Variants in AKAP7 observed in about 807,000 individuals in gnomAD.
AKAP7 encodes A-kinase anchoring protein 7.
Under a neutral mutation model 39.5 loss-of-function variants are expected in AKAP7, and 39 were observed. The observed-to-expected ratio is 0.99, with a 90% CI of 0.76 to 1.29. The LOEUF is 1.29. Ranked by LOEUF, AKAP7 falls within the 50% of genes most tolerant of loss-of-function variation. The probability of loss-of-function intolerance (pLI) is 0.00; values close to 1 mark genes in which losing one functional copy is unlikely to be tolerated. For synonymous variants in AKAP7, 140 were observed against 139.1 expected, an observed-to-expected ratio of 1.01 and a Z score of -0.05; for missense variants, 414 against 407.7, an observed-to-expected ratio of 1.02 and a Z score of -0.13.
At chr6:131,163,387 T>C (rs1803178014) in intron 3 of AKAP7, among the ~76,000 whole-genome samples, 1 of 152,242 alleles carries the variant, frequency 6.6e-6, no homozygotes, top group Admixed American at 6.5e-5. Flanking sequence ...TTTAAACTAC[T>C]TATGAGCTTT....
At chr6:131,132,730 A>G (rs1800354675), upstream of AKAP7, among the ~76,000 whole-genome samples, 1 of 152,340 alleles carries the variant, frequency 6.6e-6, no homozygotes, top group South Asian at 2.1e-4. Context: ...TGGAAATCTG[A>G]AAATTATATT....
At chr6:131,162,139 C>T (rs1803032926) in intron 3 of AKAP7, among the ~76,000 whole-genome samples, 1 of 152,180 alleles carries the variant, frequency 6.6e-6, no homozygotes. Flanking sequence ...CTTCTTACCC[C>T]TTCCGGAGAA....
chr6:131,188,766 T>A (rs1469610402), intron 5 of AKAP7, among the ~76,000 whole-genome samples: 1 of 151,438 alleles, frequency 6.6e-6, no homozygotes, highest in Non-Finnish European at 1.5e-5. Flanking sequence ...TTGCCCAGGC[T>A]GGTCTCAAAT....
At chr6:131,132,020 T>C (rs1205755065), upstream of AKAP7, among the ~76,000 whole-genome samples, 2 of 152,136 alleles carry the variant, frequency 1.3e-5, no homozygotes, top group Non-Finnish European at 2.9e-5. Flanking sequence ...ATCAATTAAA[T>C]AGATAAATTC....
intron 6 of AKAP7, among the ~76,000 whole-genome samples, chr6:131,219,189 C>T (rs977312670): frequency 6.6e-6 from 1 of 150,718 alleles, no homozygotes; most frequent in African/African-American, 2.4e-5. Context: ...ACTCAGGAGC[C>T]TGAGGGAGGA....
At chr6:131,138,296 T>C (rs1184282161) in intron 1 of AKAP7, among the ~76,000 whole-genome samples, 5 of 152,242 alleles carry the variant, frequency 3.3e-5, no homozygotes, top group Non-Finnish European at 7.3e-5. Flanking sequence ...GACAGGATCT[T>C]ATTCTTTTGT....
rs1266110610 is a variant in AKAP7, at chr6:131,282,176, C to T, written c.*450C>T. On this transcript the variant is annotated 3_prime_UTR_variant, in exon 8 of 8. Coordinates refer to ENST00000431975, the MANE Select transcript of AKAP7 (RefSeq NM_016377.4). ...ATCACTGTTGGAATTGTCATCTGTA[C>T]AATTAGTCCATAATGTTTCATGTTT... 4 of 1,254,404 alleles carry T rather than the reference C, an allele frequency of 3.2e-6. No homozygotes were observed. In the Admixed American group the frequency reaches 1.1e-4, roughly 36 times the overall value. 77.7% of individuals were successfully genotyped at this position (1,254,404 alleles called of 1,614,324 possible). A position where few individuals can be genotyped will look rare whatever the true frequency, so the allele number is the denominator to read the frequency against.
chr6:131,217,097 G>C (rs1470762093), intron 6 of AKAP7, among the ~76,000 whole-genome samples: 2 of 152,096 alleles, frequency 1.3e-5, no homozygotes, highest in Admixed American at 6.6e-5. Flanking sequence ...CTATGATGAA[G>C]GGAAGCAGAG....
Position 131,281,828 on chromosome 6 carries a change from T to C in AKAP7, c.*102T>C, listed in dbSNP as rs17574609. 0.012 allele frequency: 15,578 copies of C among 1,347,950 alleles called. 198 individuals are homozygous for C. The highest frequency in any genetic ancestry group is 0.062 in the African/African-American group (4,160 of 66,698). 83.5% of individuals were successfully genotyped at this position (1,347,950 alleles called of 1,614,324 possible). A position where few individuals can be genotyped will look rare whatever the true frequency, so the allele number is the denominator to read the frequency against. ...GCGTGCTGTTTAAGTTAAGTTTCTC[T>C]GGTGCAATCTGTGAAGATTGCCTAA... On this transcript the variant is annotated 3_prime_UTR_variant, in exon 8 of 8. Transcript: ENST00000431975. The surrounding 1 kb of genome is among the most constrained non-coding windows in gnomAD (Gnocchi z 4.0).
chr6:131,238,881 T>C (rs1413211433), intron 7 of AKAP7, among the ~76,000 whole-genome samples: 1 of 152,236 alleles, frequency 6.6e-6, no homozygotes, highest in Non-Finnish European at 1.5e-5. Flanking sequence ...TCCGTGTCTT[T>C]TAATTGGAGC....
At chr6:131,206,787 A>ATCTG (rs371458228) in intron 6 of AKAP7, among the ~76,000 whole-genome samples, 1,239 of 107,628 alleles carry the variant, frequency 0.012, 5 homozygotes, top group Middle Eastern at 0.03. Flanking sequence ...CCATCCATCC[A>ATCTG]TCTATCTATC....
At chr6:131,208,749 CT>C (rs1240641637) in intron 6 of AKAP7, among the ~76,000 whole-genome samples, 6 of 152,080 alleles carry the variant, frequency 3.9e-5, no homozygotes, top group African/African-American at 1.2e-4. Flanking sequence ...AACAGAGATT[CT>C]TTTTTTCCCC....
At chr6:131,242,598 C>T (rs1051454108) in intron 7 of AKAP7, among the ~76,000 whole-genome samples, 2 of 151,826 alleles carry the variant, frequency 1.3e-5, no homozygotes, top group African/African-American at 4.8e-5. Context: ...AAGGTAAACA[C>T]AGAACACTAG....
intron 7 of AKAP7, among the ~76,000 whole-genome samples, chr6:131,226,319 C>T (rs915119445): frequency 6.6e-5 from 10 of 152,130 alleles, no homozygotes; most frequent in African/African-American, 9.7e-5. Context: ...AGACTTTGGT[C>T]GGATATGGTG....
chr6:131,264,402 C>G (rs1813608959), intron 7 of AKAP7, among the ~76,000 whole-genome samples: 1 of 152,266 alleles, frequency 6.6e-6, no homozygotes, highest in Non-Finnish European at 1.5e-5. Context: ...TTCTCTTTAC[C>G]TATCATGGAA....
chr6:131,181,697 A>G (rs1323676335), intron 5 of AKAP7, among the ~76,000 whole-genome samples: 3 of 152,042 alleles, frequency 2.0e-5, no homozygotes, highest in Non-Finnish European at 4.4e-5. Flanking sequence ...ATTGTTTAAG[A>G]TATGCTGAAC....
At position 131,242,187 on chromosome 6, in the gene AKAP7, G is replaced by A. The variant is rs902678925; in HGVS notation, c.850+22379G>A. Reference sequence around the variant, plus strand: ...CTATTACTAGAGTAATGATTCAGGTGAGTATTTTATCTTGATTCTGGCTAT... The same window carrying A: ...CTATTACTAGAGTAATGATTCAGGTAAGTATTTTATCTTGATTCTGGCTAT... On this transcript the variant is annotated intron_variant, in intron 7 of 7. Transcript: ENST00000431975. 7 of 984,464 alleles carry A rather than the reference G, an allele frequency of 7.1e-6. No individual in the cohort carries two copies. In the Admixed American group the frequency reaches 2.5e-4, roughly 35 times the overall value. The allele number at this position is 984,464 out of a possible 1,614,324, so 61.0% of individuals were successfully genotyped here.
At chr6:131,192,930 C>T (rs539342837) in intron 5 of AKAP7, among the ~76,000 whole-genome samples, 18 of 152,120 alleles carry the variant, frequency 1.2e-4, no homozygotes, top group Admixed American at 5.9e-4. Flanking sequence ...ATGTTGATTT[C>T]GTATTCTGCA....
chr6:131,185,134 C>A, intron 5 of AKAP7: 1 of 610,182 alleles, frequency 1.6e-6, no homozygotes. Context: ...AACAGAACCT[C>A]TAAACTGCTG....
Sources: gnomAD v4.1 joint callset for allele counts (sites outside exome capture counted in the v4.1 genomes callset) on GRCh38, gnomAD v4.1.1 for gene constraint, Gnocchi (gnomAD v3.1) non-coding constraint, MANE v1.5 for transcripts, NCBI Gene and HGNC (gene_info 2026-07-23, HGNC 2026-07-21) for gene names.